Variants in FAM47E observed in about 807,000 individuals in gnomAD.
FAM47E encodes protein FAM47E.
A neutral mutation model predicts 41.6 loss-of-function variants in FAM47E; 32 were observed. The ratio of observed to expected loss-of-function variants is 0.77; its 90% CI spans 0.58 to 1.03. The LOEUF is 1.03. Ranked by LOEUF, FAM47E falls within the 50% of genes least tolerant of loss-of-function variation. The pLI, the probability that FAM47E is intolerant of heterozygous loss-of-function variation, is 0.00. For missense variants in FAM47E, 424 were observed against 485.4 expected, an observed-to-expected ratio of 0.87 and a Z score of 1.19; for synonymous variants, 184 against 188.7, an observed-to-expected ratio of 0.98 and a Z score of 0.20.
At chr4:76,261,518 G>C (rs773298644) in intron 2 of FAM47E, among the ~76,000 whole-genome samples, 1 of 152,274 alleles carries the variant, frequency 6.6e-6, no homozygotes, top group East Asian at 1.9e-4. Context: ...CATGTCTATC[G>C]TAGCGACATG....
Position 76,278,097 on chromosome 4 carries a change from T to A in FAM47E, c.899T>A (p.Met300Lys), listed in dbSNP as rs1735203229. 6.5e-7 allele frequency: 1 copy of A among 1,531,370 alleles called. No individual in the cohort carries two copies. Among genetic ancestry groups the A allele is most frequent in the African/African-American group, 1.4e-5 (1 of 71,628 alleles). 94.9% of individuals were successfully genotyped at this position (1,531,370 alleles called of 1,614,324 possible). A position where few individuals can be genotyped will look rare whatever the true frequency, so the allele number is the denominator to read the frequency against. ...QNPYKPKWVK[M>K]RYGAWYLNPK... The stretch of plus-strand genomic sequence containing the variant: ...CCTTATAAGCCAAAGTGGGTGAAGA[T>A]GAGGTATGGAGCATGGTATTTGAAC... Residue 300 changes from methionine (M) to lysine (K), a missense_variant, in exon 6 of 8, where the codon ATG becomes AAG. Met to Lys is a moderately conservative substitution (Grantham distance 95). Transcript: ENST00000424749.
chr4:76,239,711 C>A (rs2109990604), intron 2 of FAM47E, among the ~76,000 whole-genome samples: 1 of 152,188 alleles, frequency 6.6e-6, no homozygotes, highest in South Asian at 2.1e-4. Flanking sequence ...ACTTTTGATG[C>A]ACAAAATTTT....
chr4:76,267,601 C>T (rs939170603), intron 3 of FAM47E: 1 of 152,194 alleles, frequency 6.6e-6, no homozygotes, highest in African/African-American at 2.4e-5. Flanking sequence ...GCAGCATTGT[C>T]CTTAACAGGC....
chr4:76,271,818 T>C (rs757298712), intron 5 of FAM47E, 50 bp downstream of exon 5: 5 of 1,524,214 alleles, frequency 3.3e-6, no homozygotes, highest in African/African-American at 2.8e-5. Flanking sequence ...TTAAGTTGTA[T>C]TGAAGTCTTA....
chr4:76,273,563 TG>T lies in FAM47E; in HGVS notation c.870+1797del, dbSNP rs1438019113. Among the ~76,000 whole-genome samples, 83 of 152,366 alleles carry T rather than the reference TG, an allele frequency of 5.4e-4. 1 individual carries two copies. The highest frequency in any genetic ancestry group is 1.8e-4 in the Non-Finnish European group (12 of 68,036). The stretch of plus-strand genomic sequence containing the variant: ...GCTTTTAATATTTTCTCTTTGTCAC[TG>T]GTTTTGAGCATTTTGATTATCATAA... On this transcript the variant is annotated intron_variant, in intron 5 of 7. Transcript: ENST00000424749.
upstream of FAM47E, among the ~76,000 whole-genome samples, chr4:76,249,193 A>C (rs1733897963): frequency 6.6e-6 from 1 of 152,136 alleles, no homozygotes; most frequent in South Asian, 2.1e-4. Flanking sequence ...ACACCACTGC[A>C]CACCAGCCTG....
rs562174555 is a variant in FAM47E at position 76,265,755 on chromosome 4, G to A, written c.560+1912G>A. Among the ~76,000 whole-genome samples, 6 of 152,266 alleles carry A rather than the reference G, an allele frequency of 3.9e-5. No homozygotes were observed. In the South Asian group the frequency reaches 1.2e-3, roughly 32 times the overall value. On this transcript the variant is annotated intron_variant, in intron 3 of 7. Transcript: ENST00000424749. ...TAGAATGTTCAGTCCCACTCAGTGT[G>A]ACCTCTCAGAGGGGAAAGAGAGGGG...
chr4:76,251,364 C>T (rs1733956906), upstream of FAM47E, among the ~76,000 whole-genome samples: 1 of 152,230 alleles, frequency 6.6e-6, no homozygotes. Flanking sequence ...ATTTTCCCCA[C>T]TTTCCATCCT....
intron 2 of FAM47E, among the ~76,000 whole-genome samples, chr4:76,240,263 C>A (rs1341314588): frequency 1.3e-5 from 2 of 152,214 alleles, no homozygotes; most frequent in African/African-American, 4.8e-5. Context: ...GAGAAATCTG[C>A]AGATAATCTT....
At chr4:76,272,459 G>C (rs1734930931) in intron 5 of FAM47E, among the ~76,000 whole-genome samples, 1 of 152,150 alleles carries the variant, frequency 6.6e-6, no homozygotes, top group Admixed American at 6.5e-5. Flanking sequence ...ATTGTCTTCT[G>C]CCTTTTACAC....
chr4:76,248,321 T>A (rs1733876372), upstream of FAM47E, among the ~76,000 whole-genome samples: 1 of 152,166 alleles, frequency 6.6e-6, no homozygotes, highest in Admixed American at 6.5e-5. Context: ...GGTATCATTT[T>A]AAGAAGCCAT....
At position 76,271,843 on chromosome 4, in the gene FAM47E, T is replaced by A; in HGVS notation, c.870+75T>A. On this transcript the variant is annotated intron_variant, in intron 5 of 7. Transcript: ENST00000424749. ...TTGAAGTCTTAAAGTTCTTGAATTC[T>A]GATGTGTCATGGGTACTGGTTTTTT... 9 of 1,466,192 alleles carry A rather than the reference T, an allele frequency of 6.1e-6. 1 individual carries two copies. The South Asian group carries it at 1.2e-4, about 20-fold the overall frequency. 90.8% of individuals were successfully genotyped at this position (1,466,192 alleles called of 1,614,324 possible). A position where few individuals can be genotyped will look rare whatever the true frequency, so the allele number is the denominator to read the frequency against.
intron 2 of FAM47E, among the ~76,000 whole-genome samples, chr4:76,257,760 C>T (rs1016762143): frequency 6.6e-6 from 1 of 152,062 alleles, no homozygotes; most frequent in Non-Finnish European, 1.5e-5. Context: ...TAGCACTTCC[C>T]TTCCACCCTC....
intron 1 of FAM47E, among the ~76,000 whole-genome samples, chr4:76,253,239 G>A (rs1178594347): frequency 1.8e-4 from 28 of 152,136 alleles, no homozygotes; most frequent in Admixed American, 1.7e-3. Flanking sequence ...CCTTGGTGTG[G>A]ATGTACCACA....
chr4:76,264,871 C>T (rs1402868620), intron 3 of FAM47E, among the ~76,000 whole-genome samples: 1 of 152,230 alleles, frequency 6.6e-6, no homozygotes, highest in Non-Finnish European at 1.5e-5. Flanking sequence ...GTGGAGATTA[C>T]AGGCATGAGC....
chr4:76,277,814 G>A (rs1735192774), intron 5 of FAM47E, among the ~76,000 whole-genome samples: 1 of 152,154 alleles, frequency 6.6e-6, no homozygotes, highest in Admixed American at 6.5e-5. Context: ...CTACTAAGTT[G>A]GGGAAAGCTG....
chr4:76,242,105 A>G (rs1190125155), intron 2 of FAM47E, among the ~76,000 whole-genome samples: 1 of 152,212 alleles, frequency 6.6e-6, no homozygotes, highest in East Asian at 1.9e-4. Flanking sequence ...TAATAGGGTA[A>G]GGAATACAGG....
In FAM47E at chr4:76,256,308, G is replaced by A. The variant is rs1734189746; in HGVS notation, c.205G>A (p.Val69Ile). ...CPPCTGLVTQ[V>I]PVEGFLPQIY... ...GCCTTGCACTGGTCTGGTGACTCAG[G>A]TCCCTGTGGAGGGCTTTCTGCCCCA... Residue 69 changes from valine to isoleucine, a missense_variant, in exon 2 of 8, where the codon GTC (valine) becomes ATC (isoleucine). Physicochemically the swap from Val to Ile is conservative, Grantham distance 29. Coordinates refer to ENST00000424749, the MANE Select transcript of FAM47E (RefSeq NM_001136570.3). The A allele has an allele frequency of 1.3e-6, 2 of 1,551,684 alleles. No homozygotes were observed. The highest frequency in any genetic ancestry group is 2.4e-5 in the South Asian group (2 of 84,064).
chr4:76,268,914 G>T, intron 4 of FAM47E, 146 bp downstream of exon 4: 1 of 999,174 alleles, frequency 1.0e-6, no homozygotes, highest in East Asian at 2.8e-5. Context: ...AATCCTCAAA[G>T]TCGTAAAGGA....
Sources: allele counts gnomAD v4.1 joint callset (sites outside exome capture counted in the v4.1 genomes callset), GRCh38; gene constraint gnomAD v4.1.1; transcripts MANE v1.5; gene names NCBI Gene and HGNC (gene_info 2026-07-23, HGNC 2026-07-21).